Variants in CACNA2D3 observed in about 807,000 individuals in gnomAD.
The protein encoded by CACNA2D3 is voltage-dependent calcium channel subunit alpha-2/delta-3.
Under a neutral mutation model 160.6 loss-of-function variants are expected in CACNA2D3, and 60 were observed. The observed-to-expected ratio is 0.37, with a 90% CI of 0.30 to 0.46. The LOEUF is 0.46. Among genes scored for constraint, CACNA2D3 ranks in the 20% least tolerant of loss-of-function variants. CACNA2D3 has a pLI of 1.00. For synonymous variants in CACNA2D3, 558 were observed against 492.9 expected (o/e 1.13, Z -1.75); for missense variants, 1,205 against 1,365.0 (o/e 0.88, Z 1.85).
chr3:54,185,968 A>G (rs1487665449), intron 2 of CACNA2D3, among the ~76,000 whole-genome samples: 3 of 152,148 alleles, frequency 2.0e-5, no homozygotes, highest in African/African-American at 7.2e-5. Flanking sequence ...GCATTCCAGG[A>G]CAGCATGTGG....
intron 17 of CACNA2D3, among the ~76,000 whole-genome samples, chr3:54,868,596 C>T (rs891972237): frequency 6.6e-6 from 1 of 151,994 alleles, no homozygotes; most frequent in Non-Finnish European, 1.5e-5. Context: ...TGCCAAATAC[C>T]ATCTAAAATG....
At chr3:55,008,529 T>C (rs1160038828) in intron 33 of CACNA2D3, among the ~76,000 whole-genome samples, 1 of 152,210 alleles carries the variant, frequency 6.6e-6, no homozygotes, top group African/African-American at 2.4e-5. Flanking sequence ...ACTCCAGTTC[T>C]GTGGGTTTGA....
intron 3 of CACNA2D3, among the ~76,000 whole-genome samples, chr3:54,332,020 C>T (rs906171602): frequency 3.9e-5 from 6 of 152,162 alleles, no homozygotes; most frequent in African/African-American, 1.4e-4. Flanking sequence ...ATGAAAAATG[C>T]TCAAAGTGGC....
At position 54,763,822 on chromosome 3, in the gene CACNA2D3, T is replaced by C. The variant is rs1317297747; in HGVS notation, c.1247-396T>C. On this transcript the variant is annotated intron_variant, in intron 12 of 37. Transcript: ENST00000474759. ...ATGTACATATATATACATATATATA[T>C]ACGTATATATATGTATATATATGTA... is the stretch of plus-strand genomic sequence containing the variant. Among the ~76,000 whole-genome samples the C allele has an allele frequency of 3.4e-5, 3 of 87,998 alleles. 1 individual carries two copies. Among genetic ancestry groups the C allele is most frequent in the Non-Finnish European group, 6.9e-5 (3 of 43,438 alleles). The allele number at this position is 87,998 out of a possible 152,430, so 57.7% of individuals were successfully genotyped here. A position where few individuals can be genotyped will look rare whatever the true frequency, so the allele number is the denominator to read the frequency against.
chr3:54,678,566 C>T (rs1829549), intron 11 of CACNA2D3, among the ~76,000 whole-genome samples: 21,933 of 151,234 alleles, frequency 0.15, 1,777 homozygotes, highest in South Asian at 0.26. Context: ...ACTAAAAATA[C>T]AAAAATTAGC....
chr3:54,268,059 T>C (rs1198641418), intron 2 of CACNA2D3, among the ~76,000 whole-genome samples: 1 of 152,192 alleles, frequency 6.6e-6, no homozygotes, highest in Non-Finnish European at 1.5e-5. Flanking sequence ...ATGGTTGGTA[T>C]GTGGTTCATA....
At chr3:54,764,036 CAT>C (rs950371911) in intron 12 of CACNA2D3, among the ~76,000 whole-genome samples, 180 bp from the exon 13 acceptor site, 3 of 150,430 alleles carry the variant, frequency 2.0e-5, no homozygotes, top group African/African-American at 7.4e-5. Context: ...ACTTATTACT[CAT>C]AAAGTGGGTG....
At chr3:54,175,872 G>A (rs1700669651) in intron 2 of CACNA2D3, among the ~76,000 whole-genome samples, 1 of 152,136 alleles carries the variant, frequency 6.6e-6, no homozygotes, top group African/African-American at 2.4e-5. Flanking sequence ...AGCATACAAT[G>A]TCTGGGACAA....
intron 11 of CACNA2D3, among the ~76,000 whole-genome samples, chr3:54,749,744 C>T (rs1445748479): frequency 6.6e-6 from 1 of 152,198 alleles, no homozygotes; most frequent in Non-Finnish European, 1.5e-5. Flanking sequence ...AAGTCATTTT[C>T]ATGCCATTTC....
intron 11 of CACNA2D3, among the ~76,000 whole-genome samples, chr3:54,649,778 T>C (rs557007578): frequency 2.0e-5 from 3 of 152,326 alleles, no homozygotes; most frequent in South Asian, 2.1e-4. Flanking sequence ...CAATGCAGGC[T>C]AGGATTTCAA....
intron 4 of CACNA2D3, among the ~76,000 whole-genome samples, chr3:54,458,099 A>G (rs929983524): frequency 2.0e-5 from 3 of 152,016 alleles, no homozygotes; most frequent in African/African-American, 7.2e-5. Context: ...TTTGTAGGTG[A>G]GAACTTACTC....
chr3:54,317,195 G>T (rs1211372334), intron 2 of CACNA2D3, among the ~76,000 whole-genome samples: 2 of 152,196 alleles, frequency 1.3e-5, no homozygotes, highest in African/African-American at 4.8e-5. Context: ...AATAGTCTCA[G>T]TGATGGTCAT....
At chr3:54,465,543 G>T (rs1224598461) in intron 4 of CACNA2D3, among the ~76,000 whole-genome samples, 1 of 152,174 alleles carries the variant, frequency 6.6e-6, no homozygotes, top group East Asian at 1.9e-4. Context: ...ACGTATCTCT[G>T]TGGATAAGAG....
chr3:54,468,924 G>A (rs1311581253), intron 4 of CACNA2D3, among the ~76,000 whole-genome samples: 2 of 152,170 alleles, frequency 1.3e-5, no homozygotes, highest in Middle Eastern at 3.2e-3. Flanking sequence ...CAGCAGCCCC[G>A]GTTAGGGGCT....
intron 4 of CACNA2D3, among the ~76,000 whole-genome samples, chr3:54,480,968 C>G (rs572541816): frequency 6.6e-5 from 10 of 152,266 alleles, no homozygotes; most frequent in Non-Finnish European, 1.0e-4. Flanking sequence ...TTATTCCTCT[C>G]TATAATGACC....
chr3:54,842,233 TTCC>T lies in CACNA2D3; in HGVS notation c.1551+3587_1551+3589del, dbSNP rs149355570. Among the ~76,000 whole-genome samples, 641 of 152,340 alleles carry T rather than the reference TTCC, an allele frequency of 4.2e-3. 5 individuals are homozygous for T. The highest frequency in any genetic ancestry group is 0.014 in the African/African-American group (566 of 41,576). On this transcript the variant is annotated intron_variant, in intron 16 of 37. Coordinates refer to ENST00000474759, the MANE Select transcript of CACNA2D3 (RefSeq NM_018398.3). ...TCTGATGTTATTTTCTCAGAATGCT[TTCC>T]TGGGGAGGATTTTAACCAGTTTCTG...
At chr3:54,276,087 C>T (rs1001990007) in intron 2 of CACNA2D3, among the ~76,000 whole-genome samples, 1 of 152,100 alleles carries the variant, frequency 6.6e-6, no homozygotes, top group Non-Finnish European at 1.5e-5. Flanking sequence ...CCTGAAGCCC[C>T]GATTGAATGC....
intron 35 of CACNA2D3, among the ~76,000 whole-genome samples, chr3:55,050,454 A>G (rs1251493906): frequency 1.1e-4 from 17 of 151,368 alleles, no homozygotes; most frequent in East Asian, 2.0e-4. Context: ...TGGCTTGTAG[A>G]GTTTCTGCCG....
intron 3 of CACNA2D3, among the ~76,000 whole-genome samples, chr3:54,329,296 A>G (rs1383826164): frequency 6.6e-6 from 1 of 152,130 alleles, no homozygotes; most frequent in Non-Finnish European, 1.5e-5. Flanking sequence ...GCTTCAAACT[A>G]TAGTTAAGTG....
Sources: allele counts gnomAD v4.1 joint callset (sites outside exome capture counted in the v4.1 genomes callset), GRCh38; gene constraint gnomAD v4.1.1; transcripts MANE v1.5; gene names NCBI Gene and HGNC (gene_info 2026-07-23, HGNC 2026-07-21).